The following MTA3 variants were observed in gnomAD, a reference collection of about 807,000 sequenced individuals.
The protein encoded by MTA3 is metastasis-associated protein MTA3.
MTA3 carries 34 observed loss-of-function variants against 83.5 expected under a neutral mutation model. That is an observed-to-expected ratio of 0.41 (90% CI 0.31 to 0.54). The LOEUF is 0.54. MTA3 is among the 20% of genes least tolerant of loss of function. The probability of loss-of-function intolerance (pLI) is 0.33; values close to 1 mark genes in which losing one functional copy is unlikely to be tolerated. For missense variants in MTA3, 761 were observed against 726.4 expected, an observed-to-expected ratio of 1.05 and a Z score of -0.55; for synonymous variants, 303 against 252.7, an observed-to-expected ratio of 1.20 and a Z score of -1.89.
rs1665854146 is a variant in MTA3 at position 42,704,065 on chromosome 2, TTTC to T, written c.1026-122_1026-120del. The T allele has an allele frequency of 9.1e-6, 10 of 1,101,788 alleles. No individual in the cohort carries two copies. In the South Asian group the frequency reaches 1.2e-4, roughly 13 times the overall value. The allele number at this position is 1,101,788 out of a possible 1,614,324, so 68.3% of individuals were successfully genotyped here. A position where few individuals can be genotyped will look rare whatever the true frequency, so the allele number is the denominator to read the frequency against. The stretch of plus-strand genomic sequence containing the variant: ...TTAACACCTTGGTTTTACCAGTTTA[TTTC>T]TTCTTCACACATTTTAAAATGTTTG... On this transcript the variant is annotated intron_variant, in intron 11 of 16. Coordinates refer to ENST00000405094, the MANE Select transcript of MTA3 (RefSeq NM_001330442.2).
At chr2:42,704,833 A>G (rs183098245) in intron 12 of MTA3, among the ~76,000 whole-genome samples, 2 of 152,288 alleles carry the variant, frequency 1.3e-5, no homozygotes, top group Admixed American at 6.5e-5. Context: ...GTATTTATCT[A>G]TGGTGGCAGT....
chr2:42,583,681 A>C (rs1460110916), intron 3 of MTA3, among the ~76,000 whole-genome samples: 1 of 151,908 alleles, frequency 6.6e-6, no homozygotes, highest in African/African-American at 2.4e-5. Flanking sequence ...CGCGCATGCC[A>C]CCATGCCTGG....
In MTA3 at chr2:42,517,260, C is replaced by A. The variant is rs182861832; in HGVS notation, c.-141+22006C>A. On this transcript the variant is annotated intron_variant, in intron 2 of 17. Transcript: ENST00000405592. ...TGGGGACAAGAGTGAAATTCCACCT[C>A]AAAAAATAAAAATAAATAATAAATA... Among the ~76,000 whole-genome samples, 5 of 148,498 alleles carry A rather than the reference C, an allele frequency of 3.4e-5. No individual in the cohort carries two copies. In the East Asian group the frequency reaches 1.0e-3, roughly 30 times the overall value.
intron 14 of MTA3, among the ~76,000 whole-genome samples, chr2:42,717,605 A>G (rs528445535): frequency 6.6e-6 from 1 of 152,346 alleles, no homozygotes; most frequent in East Asian, 1.9e-4. Context: ...GCTAATACCC[A>G]TCCTCACTGT....
chr2:42,551,493 T>C (rs1677108865), intron 2 of MTA3, among the ~76,000 whole-genome samples: 2 of 152,068 alleles, frequency 1.3e-5, no homozygotes, highest in South Asian at 4.1e-4. Context: ...GCTGGCTTTA[T>C]TTCTCAAGTA....
chr2:42,652,329 GGTTTACTTCACTAA>G lies in MTA3; in HGVS notation c.500-3870_500-3857del, dbSNP rs557639061. ...TCAGAGAAATCCTGTTTGCATTTGC[GGTTTACTTCACTAA>G]CGTAGATTTCCTCTACATATGCAGA... On this transcript the variant is annotated intron_variant, in intron 6 of 16. Coordinates refer to ENST00000405094, the MANE Select transcript of MTA3 (RefSeq NM_001330442.2). 3.9e-4 allele frequency among the ~76,000 whole-genome samples: 60 copies of G among 152,122 alleles called. No homozygotes were observed. The South Asian group carries it at 6.4e-3, about 16-fold the overall frequency.
intron 3 of MTA3, among the ~76,000 whole-genome samples, chr2:42,599,794 G>C (rs1248308380): frequency 6.6e-6 from 1 of 152,066 alleles, no homozygotes; most frequent in East Asian, 1.9e-4. Flanking sequence ...CATTTGGTGG[G>C]TTTTTGTAGC....
intron 2 of MTA3, among the ~76,000 whole-genome samples, chr2:42,519,739 A>G (rs1040956658): frequency 6.6e-6 from 1 of 152,130 alleles, no homozygotes; most frequent in African/African-American, 2.4e-5. Context: ...TCATCTGTAC[A>G]AATAAAAATT....
chr2:42,669,475 G>A (rs995715224), intron 8 of MTA3, among the ~76,000 whole-genome samples: 5 of 152,074 alleles, frequency 3.3e-5, no homozygotes, highest in Admixed American at 6.6e-5. Flanking sequence ...ATGGGGATTC[G>A]TATAACTTAA....
intron 6 of MTA3, among the ~76,000 whole-genome samples, chr2:42,648,639 A>C (rs993786800): frequency 2.6e-4 from 39 of 152,328 alleles, no homozygotes; most frequent in African/African-American, 9.1e-4. Context: ...AGATCTGAAA[A>C]GAGTATGTAG....
intron 3 of MTA3, among the ~76,000 whole-genome samples, chr2:42,596,884 G>A (rs573667991): frequency 1.3e-5 from 2 of 151,928 alleles, no homozygotes; most frequent in Non-Finnish European, 2.9e-5. Flanking sequence ...ACTTGAAGTA[G>A]CTAATCTAAA....
intron 2 of MTA3, among the ~76,000 whole-genome samples, chr2:42,496,747 C>G (rs1674155434): frequency 6.6e-6 from 1 of 152,114 alleles, no homozygotes; most frequent in Admixed American, 6.6e-5. Context: ...CAGGTTTTCT[C>G]ATGTCAAACT....
intron 14 of MTA3, among the ~76,000 whole-genome samples, chr2:42,710,657 T>G (rs146591790): frequency 2.0e-5 from 3 of 152,238 alleles, no homozygotes; most frequent in African/African-American, 7.2e-5. Context: ...AGGCTTATAT[T>G]TAGGTTTTGT....
At position 42,711,077 on chromosome 2, in the gene MTA3, AAAAT is replaced by A. The variant is rs142504560; in HGVS notation, c.1525+1997_1525+2000del. Among the ~76,000 whole-genome samples the A allele has an allele frequency of 4.2e-3, 632 of 151,850 alleles. 5 individuals are homozygous for A. The highest frequency in any genetic ancestry group is 0.012 in the African/African-American group (491 of 41,450). On this transcript the variant is annotated intron_variant, in intron 14 of 16. Coordinates refer to ENST00000405094, the MANE Select transcript of MTA3 (RefSeq NM_001330442.2). ...CTGGGCAACACAGACTCCGCATTAA[AAAAT>A]AAATAAATAAATAAAAATTAAAAAG...
chr2:42,611,508 C>G (rs1684218006), intron 4 of MTA3, among the ~76,000 whole-genome samples: 1 of 152,020 alleles, frequency 6.6e-6, no homozygotes, highest in African/African-American at 2.4e-5. Flanking sequence ...CATAGAAAAC[C>G]TCATGTCATT....
chr2:42,572,791 A>T (rs1280700947), intron 2 of MTA3, among the ~76,000 whole-genome samples: 1 of 152,084 alleles, frequency 6.6e-6, no homozygotes. Context: ...GCAATGGCGC[A>T]ATCTTGGCTC....
intron 14 of MTA3, among the ~76,000 whole-genome samples, chr2:42,711,967 A>C (rs944743922): frequency 1.3e-5 from 2 of 152,128 alleles, no homozygotes; most frequent in African/African-American, 2.4e-5. Flanking sequence ...CTAGAGTTCT[A>C]ATTAATGCAT....
chr2:42,667,611 TAGAGAGAGAAA>T (rs1558562403), intron 8 of MTA3, among the ~76,000 whole-genome samples: 37 of 120,578 alleles, frequency 3.1e-4, no homozygotes, highest in Middle Eastern at 4.5e-3. Flanking sequence ...TGTGTGTGTA[TAGAGAGAGAAA>T]GAGAGAGAGA....
rs750793503 is a variant in MTA3 at position 42,640,167 on chromosome 2, CA to C, written c.318-4del. Reference sequence around the variant, plus strand: ...TTACATTTATTCTTTTTTTCTTTTTCAACAGGGGAAAGTGCAGTGTTGCCCT... The same window carrying C: ...TTACATTTATTCTTTTTTTCTTTTTCACAGGGGAAAGTGCAGTGTTGCCCT... On this transcript the variant is annotated splice_polypyrimidine_tract_variant and splice_region_variant and intron_variant, in intron 4 of 16. Transcript: ENST00000405094. The C allele has an allele frequency of 1.3e-6, 2 of 1,595,032 alleles. No individual in the cohort carries two copies. Among genetic ancestry groups the C allele is most frequent in the South Asian group, 2.3e-5 (2 of 87,938 alleles).
Sources: allele counts gnomAD v4.1 joint callset (sites outside exome capture counted in the v4.1 genomes callset), GRCh38; gene constraint gnomAD v4.1.1; transcripts MANE v1.5; gene names NCBI Gene and HGNC (gene_info 2026-07-23, HGNC 2026-07-21).